Variants in PPM1L observed in about 807,000 individuals in gnomAD.
PPM1L encodes protein phosphatase, Mg2+/Mn2+ dependent 1L, also known as protein phosphatase 1L.
PPM1L carries 13 observed loss-of-function variants against 31.4 expected under a neutral mutation model. The ratio of observed to expected loss-of-function variants is 0.41; its 90% CI spans 0.27 to 0.66. The LOEUF (loss-of-function observed/expected upper bound fraction) is 0.66. PPM1L is among the 30% of genes least tolerant of loss of function. The pLI, the probability that PPM1L is intolerant of heterozygous loss-of-function variation, is 0.29. For synonymous variants in PPM1L, 184 were observed against 175.4 expected (o/e 1.05, Z -0.39); for missense variants, 326 against 453.7 (o/e 0.72, Z 2.56).
intron 1 of PPM1L, among the ~76,000 whole-genome samples, chr3:160,907,245 A>G (rs150173344): frequency 3.4e-4 from 52 of 152,354 alleles, no homozygotes; most frequent in African/African-American, 1.2e-3. Flanking sequence ...AGAGTAGAAC[A>G]GTAGCAGGGC....
intron 1 of PPM1L, among the ~76,000 whole-genome samples, chr3:160,930,567 A>G (rs1470197021): frequency 6.6e-6 from 1 of 152,194 alleles, no homozygotes; most frequent in Non-Finnish European, 1.5e-5. Flanking sequence ...GAAAAACCAA[A>G]TACATGAGAG....
rs1466979856 is a variant in PPM1L, at chr3:161,070,980, G to A, written c.*1823G>A. ...TATTTTCCAGCATTACAGAACCTTG[G>A]TTATTGTTTTTTAGCCATAGAATCT... On this transcript the variant is annotated 3_prime_UTR_variant, in exon 4 of 4. Coordinates refer to ENST00000498165, the MANE Select transcript of PPM1L (RefSeq NM_139245.4). 3 of 152,116 alleles carry A rather than the reference G, an allele frequency of 2.0e-5. No homozygotes were observed. The highest frequency in any genetic ancestry group is 4.4e-5 in the Non-Finnish European group (3 of 68,040). 9.4% of individuals were successfully genotyped at this position (152,116 alleles called of 1,614,324 possible).
chr3:161,006,317 CAG>C (rs1559921633), intron 2 of PPM1L, among the ~76,000 whole-genome samples: 1 of 152,020 alleles, frequency 6.6e-6, no homozygotes, highest in South Asian at 2.1e-4. Flanking sequence ...ATCATGGAAA[CAG>C]AAAGTTAAAT....
At chr3:160,829,561 A>C (rs1025083129) in intron 1 of PPM1L, among the ~76,000 whole-genome samples, 1 of 152,240 alleles carries the variant, frequency 6.6e-6, no homozygotes, top group Non-Finnish European at 1.5e-5. Flanking sequence ...TGGACATCAG[A>C]TACAATTTAC....
chr3:160,983,157 C>G (rs771679985), intron 2 of PPM1L, among the ~76,000 whole-genome samples: 4 of 152,174 alleles, frequency 2.6e-5, no homozygotes, highest in African/African-American at 7.2e-5. Context: ...CCAAATTTGT[C>G]TGTAGGCCTT....
chr3:161,022,171 T>C (rs1718252457), intron 2 of PPM1L: 1 of 678,644 alleles, frequency 1.5e-6, no homozygotes, highest in Non-Finnish European at 2.7e-6. Context: ...TTTGAATGAC[T>C]GCTTGGAGAC....
intron 1 of PPM1L, among the ~76,000 whole-genome samples, chr3:160,855,637 G>A (rs1018005735): frequency 7.2e-5 from 11 of 151,984 alleles, no homozygotes; most frequent in Non-Finnish European, 1.5e-4. Flanking sequence ...TCACTAATCA[G>A]ATACAAATCA....
At chr3:160,874,756 C>A (rs981954908) in intron 1 of PPM1L, among the ~76,000 whole-genome samples, 12 of 152,212 alleles carry the variant, frequency 7.9e-5, no homozygotes, top group Admixed American at 2.0e-4. Context: ...GGTCCTCTTT[C>A]TTTCCTGTGA....
chr3:161,038,996 TC>T (rs1403245758), intron 2 of PPM1L, among the ~76,000 whole-genome samples: 1 of 152,090 alleles, frequency 6.6e-6, no homozygotes, highest in African/African-American at 2.4e-5. Context: ...ACTGCTACCC[TC>T]CCACCAGCAC....
At chr3:161,006,308 T>G (rs770489727) in intron 2 of PPM1L, among the ~76,000 whole-genome samples, 2 of 152,136 alleles carry the variant, frequency 1.3e-5, no homozygotes, top group Non-Finnish European at 2.9e-5. Context: ...GCAGTCAAAA[T>G]CATGGAAACA....
At chr3:160,970,445 A>ATTTTTTTTTTTTTTTTTT (rs1491444648) in intron 2 of PPM1L, among the ~76,000 whole-genome samples, 2 of 33,462 alleles carry the variant, frequency 6.0e-5, no homozygotes, top group Non-Finnish European at 1.3e-4. Flanking sequence ...ACCAAGCTGA[A>ATTTTTTTTTTTTTTTTTT]TATTTTTTTT....
chr3:160,940,262 C>G (rs375944362), intron 1 of PPM1L, among the ~76,000 whole-genome samples: 5 of 152,148 alleles, frequency 3.3e-5, no homozygotes, highest in Admixed American at 6.6e-5. Context: ...AAATTTGGAG[C>G]CTGACTATGC....
intron 1 of PPM1L, among the ~76,000 whole-genome samples, chr3:160,803,338 C>G (rs1057330780): frequency 2.0e-5 from 3 of 152,152 alleles, no homozygotes; most frequent in Admixed American, 6.5e-5. Flanking sequence ...GAATAATAAC[C>G]TCAGAAATTA....
At chr3:160,757,886 A>G (rs1276343263) in intron 1 of PPM1L, among the ~76,000 whole-genome samples, 2 of 152,104 alleles carry the variant, frequency 1.3e-5, no homozygotes, top group East Asian at 3.8e-4. Context: ...TTCTTTTTCA[A>G]GCATTTGCTT....
At chr3:161,043,034 A>AT (rs1718955999) in intron 2 of PPM1L, among the ~76,000 whole-genome samples, 1 of 128,108 alleles carries the variant, frequency 7.8e-6, no homozygotes, top group Non-Finnish European at 1.6e-5. Flanking sequence ...AAAAAAAAAA[A>AT]TTGTTATTTT....
At chr3:160,833,258 GA>G (rs1713575381) in intron 1 of PPM1L, among the ~76,000 whole-genome samples, 2 of 152,206 alleles carry the variant, frequency 1.3e-5, no homozygotes, top group Admixed American at 1.3e-4. Flanking sequence ...GTAATAGAAT[GA>G]TTTAAATTCC....
chr3:160,781,172 T>C (rs915249542), intron 1 of PPM1L, among the ~76,000 whole-genome samples: 1 of 152,208 alleles, frequency 6.6e-6, no homozygotes, highest in Admixed American at 6.5e-5. Context: ...TCTACTGTGG[T>C]CACTATCCCT....
chr3:160,787,436 TTTTGA>T (rs1449082217), intron 1 of PPM1L, among the ~76,000 whole-genome samples: 15 of 152,308 alleles, frequency 9.8e-5, no homozygotes, highest in African/African-American at 3.6e-4. Flanking sequence ...TTTGCCCATT[TTTTGA>T]TGGGGTTGTT....
chr3:161,031,093 A>C (rs1270090620), intron 2 of PPM1L, among the ~76,000 whole-genome samples: 2 of 152,226 alleles, frequency 1.3e-5, no homozygotes, highest in Non-Finnish European at 2.9e-5. Flanking sequence ...AGGACTGGTA[A>C]GTTCTCTTCC....
Sources: allele counts gnomAD v4.1 joint callset (sites outside exome capture counted in the v4.1 genomes callset), GRCh38; gene constraint gnomAD v4.1.1; transcripts MANE v1.5; gene names NCBI Gene and HGNC (gene_info 2026-07-23, HGNC 2026-07-21).